UBAP1: variants seen among roughly 807,000 people sequenced by gnomAD.
UBAP1 encodes the protein ubiquitin-associated protein 1.
UBAP1 carries 5 observed loss-of-function variants against 39.0 expected under a neutral mutation model. The observed-to-expected ratio is 0.13, with a 90% CI of 0.07 to 0.27. The LOEUF is 0.27. UBAP1 is among the 10% of genes least tolerant of loss of function. The pLI is 1.00. For missense variants in UBAP1, 490 were observed against 608.1 expected, an observed-to-expected ratio of 0.81 and a Z score of 2.04; for synonymous variants, 211 against 225.1, an observed-to-expected ratio of 0.94 and a Z score of 0.56.
intron 2 of UBAP1, chr9:34,224,271 C>T (rs991393100): frequency 2.5e-5 from 12 of 472,240 alleles, no homozygotes; most frequent in African/African-American, 4.0e-5. Context: ...TAGTGGGACT[C>T]GTACCACTGT....
At chr9:34,202,279 G>A (rs1018393393) in intron 1 of UBAP1, among the ~76,000 whole-genome samples, 6 of 152,042 alleles carry the variant, frequency 3.9e-5, no homozygotes, top group Non-Finnish European at 1.5e-5. Context: ...TTACAGGCAT[G>A]CACCACCACG....
chr9:34,223,724 G>C (rs1253529113), intron 2 of UBAP1, among the ~76,000 whole-genome samples: 1 of 152,140 alleles, frequency 6.6e-6, no homozygotes. Flanking sequence ...CAAAGTGTTG[G>C]GGTTACAGGC....
intron 1 of UBAP1, among the ~76,000 whole-genome samples, chr9:34,215,768 C>A (rs572501523): frequency 6.6e-6 from 1 of 151,660 alleles, no homozygotes; most frequent in Admixed American, 6.6e-5. Context: ...CACACACACA[C>A]ATACATGTAT....
Position 34,247,960 on chromosome 9 carries a change from C to G in UBAP1, c.1084-1819C>G, listed in dbSNP as rs1467001010. Among the ~76,000 whole-genome samples, 7 of 152,082 alleles carry G rather than the reference C, an allele frequency of 4.6e-5. No homozygotes were observed. The East Asian group carries it at 1.4e-3, about 29-fold the overall frequency. On this transcript the variant is annotated intron_variant, in intron 4 of 6. Transcript: ENST00000297661. ...TCTGAGCAGTTTTCTGGATTTATGC[C>G]ATGTTTACCTAAAGCATACCAAATA...
At chr9:34,186,268 T>C (rs1830400758) in intron 1 of UBAP1, among the ~76,000 whole-genome samples, 1 of 152,226 alleles carries the variant, frequency 6.6e-6, no homozygotes, top group Non-Finnish European at 1.5e-5. Flanking sequence ...CTGGATAAAC[T>C]GGATAAATGA....
chr9:34,192,350 A>G (rs1269200535), intron 1 of UBAP1, among the ~76,000 whole-genome samples: 1 of 151,766 alleles, frequency 6.6e-6, no homozygotes, highest in Non-Finnish European at 1.5e-5. Context: ...CCCCGTCTCT[A>G]CTGAAAATAC....
rs531765762 is a variant in UBAP1 at position 34,184,873 on chromosome 9, C to T, written c.-8+5633C>T. Among the ~76,000 whole-genome samples the T allele has an allele frequency of 9.3e-5, 14 of 151,002 alleles. No individual in the cohort carries two copies. The South Asian group carries it at 1.3e-3, about 14-fold the overall frequency. ...TCTTGACCTCGTGATCCTCCCACCTCGGCCTCCCAAAGTGCTGGGATTACA... is the reference window on the plus strand; with the variant it reads ...TCTTGACCTCGTGATCCTCCCACCTTGGCCTCCCAAAGTGCTGGGATTACA... On this transcript the variant is annotated intron_variant, in intron 1 of 6. Coordinates refer to ENST00000297661, the MANE Select transcript of UBAP1 (RefSeq NM_016525.5).
chr9:34,237,828 A>T (rs1348841839), intron 3 of UBAP1, among the ~76,000 whole-genome samples: 1 of 152,220 alleles, frequency 6.6e-6, no homozygotes, highest in Non-Finnish European at 1.5e-5. Context: ...TCAGCCTCCC[A>T]AAGTGCTGGG....
In UBAP1 at chr9:34,251,603, G is replaced by A; in HGVS notation, c.*71G>A. On this transcript the variant is annotated 3_prime_UTR_variant, in exon 7 of 7. Coordinates refer to ENST00000297661, the MANE Select transcript of UBAP1 (RefSeq NM_016525.5). ...AGGCCCTGCAGAGCCCACCTGTGGG[G>A]AAAGAGAAGGGGCAGCTTCCGGATT... The A allele has an allele frequency of 6.5e-7, 1 of 1,537,566 alleles. No homozygotes were observed. Among genetic ancestry groups the A allele is most frequent in the East Asian group, 2.3e-5 (1 of 44,020 alleles).
chr9:34,188,603 G>C (rs1830545849), intron 1 of UBAP1, among the ~76,000 whole-genome samples: 1 of 151,612 alleles, frequency 6.6e-6, no homozygotes, highest in Non-Finnish European at 1.5e-5. Flanking sequence ...TTTTTCTGTT[G>C]TTTGTTACTA....
chr9:34,242,568 C>T (rs537996077), intron 4 of UBAP1, among the ~76,000 whole-genome samples: 31 of 151,766 alleles, frequency 2.0e-4, no homozygotes, highest in Non-Finnish European at 3.5e-4. Flanking sequence ...CTTGCTCTGT[C>T]GCCCAGGCTG....
intron 1 of UBAP1, among the ~76,000 whole-genome samples, chr9:34,212,749 TGGC>T (rs1832088761): frequency 6.6e-6 from 1 of 152,056 alleles, no homozygotes; most frequent in Non-Finnish European, 1.5e-5. Context: ...CAGGACCAGA[TGGC>T]TTCACAGCAG....
chr9:34,211,641 G>A (rs2131555854), intron 1 of UBAP1, among the ~76,000 whole-genome samples: 2 of 152,178 alleles, frequency 1.3e-5, no homozygotes, highest in Middle Eastern at 3.4e-3. Context: ...AGAGGGCCTG[G>A]TCCTTCGCAA....
At chr9:34,218,360 A>G (rs1397959618) in intron 1 of UBAP1, among the ~76,000 whole-genome samples, 1 of 146,228 alleles carries the variant, frequency 6.8e-6, no homozygotes, top group Non-Finnish European at 1.5e-5. Flanking sequence ...AGCATATTCT[A>G]GGTGTTGTTT....
chr9:34,183,300 T>A (rs868563928), intron 1 of UBAP1, among the ~76,000 whole-genome samples: 1 of 151,610 alleles, frequency 6.6e-6, no homozygotes, highest in African/African-American at 2.4e-5. Flanking sequence ...TCCCAGCACT[T>A]TGGGGGGCCG....
intron 1 of UBAP1, among the ~76,000 whole-genome samples, chr9:34,207,347 C>T (rs1831766160): frequency 6.7e-6 from 1 of 148,368 alleles, no homozygotes; most frequent in African/African-American, 2.5e-5. Context: ...CGCCTGGCCG[C>T]TTAATTGTTA....
At chr9:34,199,813 T>C (rs1237381580) in intron 1 of UBAP1, among the ~76,000 whole-genome samples, 1 of 150,304 alleles carries the variant, frequency 6.7e-6, no homozygotes, top group African/African-American at 2.4e-5. Flanking sequence ...TTTTTTTTTT[T>C]TTTTTTTTGT....
At chr9:34,221,257 C>T (rs180727715) in intron 2 of UBAP1, among the ~76,000 whole-genome samples, 4 of 152,194 alleles carry the variant, frequency 2.6e-5, no homozygotes, top group East Asian at 1.9e-4. Flanking sequence ...TGGCTGGGCG[C>T]GGTGGTTCAA....
At chr9:34,239,264 C>T (rs1305549309) in intron 3 of UBAP1, among the ~76,000 whole-genome samples, 4 of 152,284 alleles carry the variant, frequency 2.6e-5, no homozygotes, top group Admixed American at 1.3e-4. Flanking sequence ...AGGCTGGTCC[C>T]GAACTCCTGA....
Sources: gnomAD v4.1 joint callset for allele counts (sites outside exome capture counted in the v4.1 genomes callset) on GRCh38, gnomAD v4.1.1 for gene constraint, MANE v1.5 for transcripts, NCBI Gene and HGNC (gene_info 2026-07-23, HGNC 2026-07-21) for gene names.